Variants in RIT2 observed in about 807,000 individuals in gnomAD.
RIT2 encodes the protein Ras like without CAAX 2.
RIT2 carries 24 observed loss-of-function variants against 23.7 expected under a neutral mutation model. That is an observed-to-expected ratio of 1.01 (90% CI 0.73 to 1.43). The LOEUF is 1.43. Ranked by LOEUF, RIT2 falls within the 40% of genes most tolerant of loss-of-function variation. RIT2 has a pLI of 0.00. For synonymous variants in RIT2, 107 were observed against 91.1 expected (o/e 1.17, Z -0.99); for missense variants, 236 against 266.9 (o/e 0.88, Z 0.81).
intron 4 of RIT2, among the ~76,000 whole-genome samples, chr18:42,878,760 G>A (rs1473334074): frequency 6.6e-6 from 1 of 151,964 alleles, no homozygotes; most frequent in East Asian, 1.9e-4. Flanking sequence ...GTAACTTCCT[G>A]AGTTTTCTAT....
At chr18:42,857,093 T>C (rs991267167) in intron 4 of RIT2, among the ~76,000 whole-genome samples, 1 of 151,412 alleles carries the variant, frequency 6.6e-6, no homozygotes, top group Non-Finnish European at 1.5e-5. Flanking sequence ...GTGCTCGGAT[T>C]ACTGGCGTGA....
At chr18:42,888,804 C>T (rs1451524635) in intron 4 of RIT2, among the ~76,000 whole-genome samples, 1 of 152,058 alleles carries the variant, frequency 6.6e-6, no homozygotes, top group Non-Finnish European at 1.5e-5. Flanking sequence ...TAAATTAAGG[C>T]AGGAACAGGA....
Position 42,923,708 on chromosome 18 carries a change from A to G in RIT2, c.290T>C (p.Ile97Thr). 1 of 1,613,146 alleles carries G rather than the reference A, an allele frequency of 6.2e-7. No individual in the cohort carries two copies. Residue 97 changes from isoleucine to threonine, a missense_variant, in exon 4 of 5, where the codon ATC (isoleucine) becomes ACC (threonine). Physicochemically the swap from Ile to Thr is moderately conservative, Grantham distance 89. Coordinates refer to ENST00000326695, the MANE Select transcript of RIT2 (RefSeq NM_002930.4). ...TTGACGGTCAGTGACGGAGTAGCAG[A>G]TGATGAAGCCTTCCCCACCTCGCAT... ...QYMRGGEGFI[I>T]CYSVTDRQSF...
intron 4 of RIT2, among the ~76,000 whole-genome samples, chr18:42,788,271 G>C (rs531993256): frequency 6.6e-6 from 1 of 152,196 alleles, no homozygotes; most frequent in South Asian, 2.1e-4. Flanking sequence ...GAAAATCTGA[G>C]ATCACACAGA....
In RIT2 at chr18:43,056,569, G is replaced by A. The variant is rs188277571; in HGVS notation, c.104-22702C>T. On this transcript the variant is annotated intron_variant, in intron 1 of 4. Transcript: ENST00000326695. ...ACCAATAGGGGACAGTGTAAGTGGC[G>A]GCACTTATGAAACAGGAAGTCAGCA... 1.7e-3 allele frequency among the ~76,000 whole-genome samples: 254 copies of A among 152,112 alleles called. 1 individual carries two copies. The highest frequency in any genetic ancestry group is 5.6e-3 in the African/African-American group (231 of 41,522).
intron 4 of RIT2, among the ~76,000 whole-genome samples, chr18:42,803,313 A>G (rs1241963830): frequency 6.6e-6 from 1 of 152,212 alleles, no homozygotes; most frequent in African/African-American, 2.4e-5. Context: ...CTTATTTAAT[A>G]CTAAAATGAA....
intron 1 of RIT2, among the ~76,000 whole-genome samples, chr18:43,104,408 A>G (rs977481953): frequency 6.6e-6 from 1 of 152,178 alleles, no homozygotes; most frequent in Non-Finnish European, 1.5e-5. Flanking sequence ...TGTATTTTCA[A>G]AAAGTTAGAG....
chr18:42,743,715 A>G lies in RIT2; in HGVS notation c.432T>C (p.Ser144=), dbSNP rs1912850469. ...KIDLEQFRQV[S]TEEGLSLAQE... is the part of the protein sequence containing the mutation. ...GGGCAAGACTCAAGCCTTCTTCTGT[A>G]GAAACCTAAGGAAAAAACAAATAAT... Residue 144 remains serine (S), a synonymous_variant, in exon 5 of 5, where the codon TCT becomes TCC. Transcript: ENST00000326695. 2 of 1,602,568 alleles carry G rather than the reference A, an allele frequency of 1.2e-6. No individual in the cohort carries two copies. The highest frequency in any genetic ancestry group is 1.7e-6 in the Non-Finnish European group (2 of 1,174,316).
At chr18:42,850,157 G>A (rs16977057) in intron 4 of RIT2, among the ~76,000 whole-genome samples, 3,169 of 151,544 alleles carry the variant, frequency 0.021, 117 homozygotes, top group African/African-American at 0.07. Flanking sequence ...AATCCATTCT[G>A]GGGCCACACA....
At chr18:42,945,889 G>A (rs1026268917) in intron 3 of RIT2, among the ~76,000 whole-genome samples, 2 of 152,030 alleles carry the variant, frequency 1.3e-5, no homozygotes, top group Non-Finnish European at 2.9e-5. Context: ...TTTTATCATT[G>A]GAAGTATTTG....
chr18:43,025,260 T>C (rs559849799), intron 2 of RIT2, among the ~76,000 whole-genome samples: 1 of 141,804 alleles, frequency 7.1e-6, no homozygotes, highest in South Asian at 2.2e-4. Flanking sequence ...AGGCAGCAAA[T>C]AGGCAAATAG....
chr18:42,883,667 A>G (rs1907951286), intron 4 of RIT2, among the ~76,000 whole-genome samples: 1 of 152,210 alleles, frequency 6.6e-6, no homozygotes. Context: ...GTAACATTTT[A>G]TGATTCTAGA....
At chr18:43,109,862 G>A (rs1235781383) in intron 1 of RIT2, among the ~76,000 whole-genome samples, 1 of 152,094 alleles carries the variant, frequency 6.6e-6, no homozygotes, top group African/African-American at 2.4e-5. Context: ...ATAATTCCAA[G>A]ATGTGTCCTA....
At chr18:42,836,392 C>T (rs1906604164) in intron 4 of RIT2, among the ~76,000 whole-genome samples, 1 of 152,030 alleles carries the variant, frequency 6.6e-6, no homozygotes, top group Non-Finnish European at 1.5e-5. Flanking sequence ...CTCCAATCTG[C>T]CTCCACTTAG....
intron 4 of RIT2, among the ~76,000 whole-genome samples, chr18:42,838,766 G>T (rs1288019569): frequency 6.6e-6 from 1 of 152,052 alleles, no homozygotes; most frequent in Non-Finnish European, 1.5e-5. Context: ...AAAATCTGTG[G>T]GTTTACTTTG....
chr18:42,778,715 T>C (rs1913738103), intron 4 of RIT2, among the ~76,000 whole-genome samples: 1 of 152,128 alleles, frequency 6.6e-6, no homozygotes, highest in Non-Finnish European at 1.5e-5. Flanking sequence ...TGCTAAAAAT[T>C]CCATTTAGAT....
At chr18:43,051,514 G>A (rs958776443) in intron 1 of RIT2, among the ~76,000 whole-genome samples, 19 of 152,066 alleles carry the variant, frequency 1.2e-4, no homozygotes, top group African/African-American at 4.3e-4. Context: ...TTCACTTTTA[G>A]GTGCCTGTGG....
At chr18:42,755,533 T>C (rs1468342352) in intron 4 of RIT2, among the ~76,000 whole-genome samples, 1 of 152,148 alleles carries the variant, frequency 6.6e-6, no homozygotes, top group Non-Finnish European at 1.5e-5. Flanking sequence ...TACTCTTATT[T>C]TGTTGATAGG....
Position 43,018,267 on chromosome 18 carries a change from A to T in RIT2, c.160+15544T>A, listed in dbSNP as rs141609309. Among the ~76,000 whole-genome samples the T allele has an allele frequency of 5.4e-3, 828 of 152,180 alleles. 10 individuals are homozygous for T. The highest frequency in any genetic ancestry group is 0.019 in the African/African-American group (771 of 41,560). ...ATTGCAGAGGGCAATTGACTGTGAC[A>T]CTATTAGAACTGAAGTTTTGGGCTG... is the stretch of plus-strand genomic sequence containing the variant. On this transcript the variant is annotated intron_variant, in intron 2 of 4. Coordinates refer to ENST00000326695, the MANE Select transcript of RIT2 (RefSeq NM_002930.4).
Sources: allele counts gnomAD v4.1 joint callset (sites outside exome capture counted in the v4.1 genomes callset), GRCh38; gene constraint gnomAD v4.1.1; transcripts MANE v1.5; gene names NCBI Gene and HGNC (gene_info 2026-07-23, HGNC 2026-07-21).